Variants in CCDC85A observed in about 807,000 individuals in gnomAD.
CCDC85A encodes coiled-coil domain-containing protein 85A.
CCDC85A carries 38 observed loss-of-function variants against 50.2 expected under a neutral mutation model. The ratio of observed to expected loss-of-function variants is 0.76; its 90% CI spans 0.58 to 0.99. The LOEUF is 0.99. Ranked by LOEUF, CCDC85A falls within the 50% of genes least tolerant of loss-of-function variation. CCDC85A has a pLI of 0.00. For synonymous variants in CCDC85A, 366 were observed against 301.4 expected, an observed-to-expected ratio of 1.21 and a Z score of -2.22; for missense variants, 820 against 742.0, an observed-to-expected ratio of 1.11 and a Z score of -1.22.
intron 2 of CCDC85A, among the ~76,000 whole-genome samples, chr2:56,259,542 T>G (rs1670133627): frequency 6.6e-6 from 1 of 152,184 alleles, no homozygotes; most frequent in South Asian, 2.1e-4. Flanking sequence ...TACTCCTGGG[T>G]CTGGTCCTTG....
At chr2:56,195,583 C>T (rs988221115) in intron 2 of CCDC85A, among the ~76,000 whole-genome samples, 12 of 152,176 alleles carry the variant, frequency 7.9e-5, no homozygotes, top group Admixed American at 7.2e-4. Flanking sequence ...AGCCTATAAA[C>T]ATGGGCATTG....
chr2:56,193,118 C>T lies in CCDC85A; in HGVS notation c.918C>T (p.Pro306=), dbSNP rs766139566. The change falls in exon 2 of 6, where the codon CCC becomes CCT. Residue 306 remains proline (P), a synonymous_variant. Transcript: ENST00000407595. The part of the protein sequence containing the change: ...PHPGSSPETL[P]KHVLSGSPEH... ...CAGGGAGCAGCCCCGAAACGCTGCC[C>T]AAGCACGTGCTGAGTGGGAGCCCGG... is the stretch of plus-strand genomic sequence containing the variant. The T allele has an allele frequency of 1.2e-6, 2 of 1,613,756 alleles. No homozygotes were observed. Among genetic ancestry groups the T allele is most frequent in the Non-Finnish European group, 1.7e-6 (2 of 1,179,840 alleles).
chr2:56,237,780 C>T (rs1459844394), intron 2 of CCDC85A, among the ~76,000 whole-genome samples: 2 of 150,206 alleles, frequency 1.3e-5, no homozygotes, highest in South Asian at 2.1e-4. Flanking sequence ...ACAAAGTTTG[C>T]TATGATTGAA....
At chr2:56,362,098 A>G (rs1276827537) in intron 3 of CCDC85A, among the ~76,000 whole-genome samples, 1 of 152,152 alleles carries the variant, frequency 6.6e-6, no homozygotes, top group Non-Finnish European at 1.5e-5. Flanking sequence ...TAGGTTGGGC[A>G]CTGACAGCCC....
chr2:56,316,585 A>T (rs949641026), intron 2 of CCDC85A, among the ~76,000 whole-genome samples: 1 of 151,970 alleles, frequency 6.6e-6, no homozygotes, highest in Non-Finnish European at 1.5e-5. Flanking sequence ...ACTCGAAAAA[A>T]CTCACTTCAC....
At chr2:56,285,459 T>A (rs944707997) in intron 2 of CCDC85A, among the ~76,000 whole-genome samples, 4 of 144,150 alleles carry the variant, frequency 2.8e-5, no homozygotes, top group Non-Finnish European at 6.0e-5. Flanking sequence ...TATAATTAAT[T>A]ATATTATTAA....
rs1384709261 is a variant in CCDC85A at position 56,299,944 on chromosome 2, GC to G, written c.1241-42934del. Among the ~76,000 whole-genome samples, 5 of 152,138 alleles carry G rather than the reference GC, an allele frequency of 3.3e-5. No homozygotes were observed. In the East Asian group the frequency reaches 9.6e-4, roughly 29 times the overall value. ...GTGAGCAGCTGTGCAGGTAACATGA[GC>G]TTTGCCATGTGTAGTAGGCCCTGTT... On this transcript the variant is annotated intron_variant, in intron 2 of 5. Coordinates refer to ENST00000407595, the MANE Select transcript of CCDC85A (RefSeq NM_001080433.2).
intron 2 of CCDC85A, among the ~76,000 whole-genome samples, chr2:56,212,539 AC>A (rs1179480535): frequency 6.6e-6 from 1 of 152,074 alleles, no homozygotes; most frequent in African/African-American, 2.4e-5. Context: ...AAACATAAAT[AC>A]ATATTTGGGA....
intron 2 of CCDC85A, among the ~76,000 whole-genome samples, chr2:56,226,914 T>A (rs1668566286): frequency 6.6e-6 from 1 of 152,158 alleles, no homozygotes; most frequent in African/African-American, 2.4e-5. Flanking sequence ...TTTTTCTTTA[T>A]TCTAGAAATA....
At chr2:56,287,416 A>G (rs928066768) in intron 2 of CCDC85A, among the ~76,000 whole-genome samples, 3 of 152,212 alleles carry the variant, frequency 2.0e-5, no homozygotes, top group Admixed American at 6.5e-5. Context: ...CAGGGCAAAC[A>G]TGATTTCATC....
chr2:56,323,693 G>T (rs752082897), intron 2 of CCDC85A, among the ~76,000 whole-genome samples: 1 of 152,022 alleles, frequency 6.6e-6, no homozygotes, highest in African/African-American at 2.4e-5. Flanking sequence ...TATACAAAAG[G>T]CTGATTGACT....
chr2:56,287,351 A>G (rs546581533), intron 2 of CCDC85A, among the ~76,000 whole-genome samples: 1 of 152,178 alleles, frequency 6.6e-6, no homozygotes, highest in Non-Finnish European at 1.5e-5. Flanking sequence ...ATAGTTCTCT[A>G]CTTGGGCTTC....
intron 2 of CCDC85A, among the ~76,000 whole-genome samples, chr2:56,336,217 C>T (rs181747448): frequency 8.5e-5 from 13 of 152,194 alleles, no homozygotes; most frequent in Admixed American, 7.8e-4. Flanking sequence ...TGCAATGACA[C>T]TGTCTCAGCT....
At chr2:56,361,964 C>G (rs144365019) in intron 3 of CCDC85A, among the ~76,000 whole-genome samples, 26 of 152,142 alleles carry the variant, frequency 1.7e-4, no homozygotes, top group Non-Finnish European at 3.1e-4. Flanking sequence ...GTGGCTTGAA[C>G]TAAGTGGTAG....
intron 1 of CCDC85A, among the ~76,000 whole-genome samples, chr2:56,189,386 G>C (rs1032436406): frequency 7.5e-5 from 11 of 146,238 alleles, no homozygotes; most frequent in African/African-American, 2.5e-4. Flanking sequence ...CCTCCTCCCT[G>C]GTTCAAGCAA....
intron 3 of CCDC85A, among the ~76,000 whole-genome samples, chr2:56,361,912 C>T (rs10165825): frequency 0.029 from 4,465 of 152,228 alleles, 192 homozygotes; most frequent in African/African-American, 0.1. Flanking sequence ...GACATTGGTA[C>T]ACTCATTAGG....
chr2:56,286,438 A>C (rs540612499), intron 2 of CCDC85A, among the ~76,000 whole-genome samples: 31 of 152,114 alleles, frequency 2.0e-4, no homozygotes, highest in Non-Finnish European at 4.1e-4. Flanking sequence ...TATGTTCTTC[A>C]AATTGGATAA....
chr2:56,199,998 A>G (rs986015941), intron 2 of CCDC85A, among the ~76,000 whole-genome samples: 2 of 152,288 alleles, frequency 1.3e-5, no homozygotes, highest in East Asian at 3.9e-4. Context: ...CTTCCTGAGT[A>G]GCTGGGATTA....
At position 56,193,662 on chromosome 2, in the gene CCDC85A, G is replaced by A. The variant is rs555336822; in HGVS notation, c.1240+222G>A. 8.5e-5 allele frequency among the ~76,000 whole-genome samples: 13 copies of A among 152,284 alleles called. No homozygotes were observed. The East Asian group carries it at 2.3e-3, about 27-fold the overall frequency. On this transcript the variant is annotated intron_variant, in intron 2 of 5. Coordinates refer to ENST00000407595, the MANE Select transcript of CCDC85A (RefSeq NM_001080433.2). ...AGTCAGTGTGAAGAAGTTTGGGGAT[G>A]AGGGTTTATGGGAGGGAGAGGAACA...
Sources: gnomAD v4.1 joint callset for allele counts (sites outside exome capture counted in the v4.1 genomes callset) on GRCh38, gnomAD v4.1.1 for gene constraint, MANE v1.5 for transcripts, NCBI Gene and HGNC (gene_info 2026-07-23, HGNC 2026-07-21) for gene names.